Variants in CSMD1 observed in about 807,000 individuals in gnomAD.
CSMD1 encodes the protein CUB and Sushi multiple domains 1.
Under a neutral mutation model 417.5 loss-of-function variants are expected in CSMD1, and 213 were observed. That is an observed-to-expected ratio of 0.51 (90% CI 0.46 to 0.57). CSMD1 has a LOEUF of 0.57. CSMD1 is among the 20% of genes least tolerant of loss of function. CSMD1 has a pLI of 0.00. For missense variants in CSMD1, 6,923 were observed against 4,529.7 expected, an observed-to-expected ratio of 1.53 and a Z score of -15.17; for synonymous variants, 2,862 against 1,736.8, an observed-to-expected ratio of 1.65 and a Z score of -16.11.
At chr8:3,450,461 C>G (rs12546675) in intron 12 of CSMD1, among the ~76,000 whole-genome samples, 70,196 of 150,600 alleles carry the variant, frequency 0.47, 17,176 homozygotes, top group Middle Eastern at 0.59. Context: ...TCCCTCCCCC[C>G]TCCCCACACC....
chr8:4,291,672 A>T (rs923798530), intron 3 of CSMD1, among the ~76,000 whole-genome samples: 1 of 152,176 alleles, frequency 6.6e-6, no homozygotes, highest in Non-Finnish European at 1.5e-5. Flanking sequence ...TACCAGAAAG[A>T]TACAAAATTC....
rs551417965 is a variant in CSMD1 at position 4,013,311 on chromosome 8, G to C, written c.611-15201C>G. Among the ~76,000 whole-genome samples the C allele has an allele frequency of 5.3e-4, 81 of 152,004 alleles. 1 individual carries two copies. The highest frequency in any genetic ancestry group is 3.4e-3 in the Middle Eastern group (1 of 294). On this transcript the variant is annotated intron_variant, in intron 4 of 69. Transcript: ENST00000635120. ...CCACACTGCCGTTGCTCTATTCTTC[G>C]TTCACTCACCGTACGCTGTTGTCTC...
At chr8:3,378,172 A>G (rs971583508) in intron 18 of CSMD1, among the ~76,000 whole-genome samples, 2 of 152,232 alleles carry the variant, frequency 1.3e-5, no homozygotes, top group African/African-American at 2.4e-5. Context: ...TGCTGGGTAG[A>G]GTAGAAAATA....
intron 10 of CSMD1, among the ~76,000 whole-genome samples, chr8:3,522,865 G>A (rs1173064161): frequency 6.7e-6 from 1 of 149,386 alleles, no homozygotes; most frequent in Non-Finnish European, 1.5e-5. Context: ...TATATTTAAT[G>A]TAAATTATAT....
chr8:3,561,158 G>C (rs1585370088), intron 10 of CSMD1, among the ~76,000 whole-genome samples: 1 of 152,178 alleles, frequency 6.6e-6, no homozygotes, highest in African/African-American at 2.4e-5. Context: ...TGTTGGCAAG[G>C]ATGTGCAGAA....
intron 1 of CSMD1, among the ~76,000 whole-genome samples, chr8:4,680,274 A>G (rs1239400936): frequency 6.6e-6 from 1 of 152,186 alleles, no homozygotes; most frequent in Non-Finnish European, 1.5e-5. Flanking sequence ...TGTTATCACT[A>G]ATATTTTACA....
At chr8:3,852,346 C>T (rs996779146) in intron 5 of CSMD1, among the ~76,000 whole-genome samples, 1 of 152,014 alleles carries the variant, frequency 6.6e-6, no homozygotes, top group Admixed American at 6.5e-5. Flanking sequence ...CCGAAGGAAG[C>T]AGTGCAGGAT....
intron 5 of CSMD1, among the ~76,000 whole-genome samples, chr8:3,867,650 T>A (rs997691094): frequency 6.6e-6 from 1 of 152,178 alleles, no homozygotes; most frequent in Non-Finnish European, 1.5e-5. Flanking sequence ...TATCTATGTA[T>A]AGTATCTTGG....
intron 10 of CSMD1, among the ~76,000 whole-genome samples, chr8:3,523,930 T>C (rs1257104333): frequency 2.8e-5 from 4 of 141,546 alleles, no homozygotes; most frequent in African/African-American, 5.5e-5. Flanking sequence ...CACATATGCA[T>C]GCACACTCAG....
At chr8:4,366,733 G>A (rs912171530) in intron 3 of CSMD1, among the ~76,000 whole-genome samples, 1 of 151,874 alleles carries the variant, frequency 6.6e-6, no homozygotes, top group Admixed American at 6.6e-5. Flanking sequence ...TAGACTTTAA[G>A]TTTTAGGGTA....
chr8:3,908,618 C>A lies in CSMD1; in HGVS notation c.818+89285G>T, dbSNP rs189769257. ...CTGGAACATACTTTTAAGAACATTG[C>A]TTAAAAAAAAATCTGTCTTATTTTT... On this transcript the variant is annotated intron_variant, in intron 5 of 69. Transcript: ENST00000635120. Among the ~76,000 whole-genome samples the A allele has an allele frequency of 3.3e-5, 5 of 152,020 alleles. No homozygotes were observed. The East Asian group carries it at 9.7e-4, about 29-fold the overall frequency.
intron 5 of CSMD1, among the ~76,000 whole-genome samples, chr8:3,987,413 G>C (rs901009199): frequency 6.6e-6 from 1 of 152,162 alleles, no homozygotes; most frequent in Non-Finnish European, 1.5e-5. Flanking sequence ...TACAGGGGTT[G>C]TCTGTCTCCG....
intron 1 of CSMD1, among the ~76,000 whole-genome samples, chr8:4,759,441 G>A (rs1811885947): frequency 6.6e-6 from 1 of 152,210 alleles, no homozygotes; most frequent in South Asian, 2.1e-4. Context: ...TACATGTGCA[G>A]AATGTGCAGA....
chr8:3,708,596 C>T (rs959812023), intron 6 of CSMD1, 105 bp from the exon 7 acceptor site: 10 of 856,332 alleles, frequency 1.2e-5, no homozygotes, highest in South Asian at 5.8e-5. Flanking sequence ...TATCAACCCC[C>T]GAAAATGGGA....
intron 5 of CSMD1, among the ~76,000 whole-genome samples, chr8:3,798,723 C>G (rs1317500759): frequency 6.6e-6 from 1 of 152,034 alleles, no homozygotes; most frequent in Non-Finnish European, 1.5e-5. Context: ...TGTATGTATA[C>G]ATATACAAAA....
chr8:3,587,534 C>T (rs963641924), intron 8 of CSMD1, among the ~76,000 whole-genome samples: 1 of 152,012 alleles, frequency 6.6e-6, no homozygotes, highest in African/African-American at 2.4e-5. Context: ...TCCTTTCTTG[C>T]TTAGTGGAAA....
intron 3 of CSMD1, among the ~76,000 whole-genome samples, chr8:4,104,047 CATTACTCA>C (rs1801439895): frequency 6.6e-6 from 1 of 152,212 alleles, no homozygotes; most frequent in South Asian, 2.1e-4. Context: ...CCCTTCTGGG[CATTACTCA>C]AGTACTACAA....
chr8:4,119,279 T>C (rs1046880196), intron 3 of CSMD1, among the ~76,000 whole-genome samples: 1 of 152,004 alleles, frequency 6.6e-6, no homozygotes, highest in Non-Finnish European at 1.5e-5. Flanking sequence ...TAGAAACAAA[T>C]GGAAACAACC....
chr8:3,170,984 G>A (rs917614740), intron 37 of CSMD1, among the ~76,000 whole-genome samples: 51 of 152,224 alleles, frequency 3.4e-4, no homozygotes, highest in Admixed American at 9.2e-4. Flanking sequence ...ATTTTTAGCC[G>A]GATATAATTA....
Sources: allele counts gnomAD v4.1 joint callset (sites outside exome capture counted in the v4.1 genomes callset), GRCh38; gene constraint gnomAD v4.1.1; transcripts MANE v1.5; gene names NCBI Gene and HGNC (gene_info 2026-07-23, HGNC 2026-07-21).